THADA: variants seen among roughly 807,000 people sequenced by gnomAD.
The protein encoded by THADA is THADA armadillo repeat containing, also known as tRNA (32-2'-O)-methyltransferase regulator THADA.
Under a neutral mutation model 219.8 loss-of-function variants are expected in THADA, and 213 were observed. That is an observed-to-expected ratio of 0.97 (90% CI 0.87 to 1.09). The LOEUF (loss-of-function observed/expected upper bound fraction) is 1.09, where lower values mean the gene tolerates loss of function less well. Among genes scored for constraint, THADA ranks in the 50% least tolerant of loss-of-function variants. THADA has a pLI of 0.00. For missense variants in THADA, 2,956 were observed against 2,311.3 expected, an observed-to-expected ratio of 1.28 and a Z score of -5.72; for synonymous variants, 1,018 against 828.9, an observed-to-expected ratio of 1.23 and a Z score of -3.92.
At chr2:43,254,815 G>A (rs987463001) in intron 36 of THADA, among the ~76,000 whole-genome samples, 1 of 152,118 alleles carries the variant, frequency 6.6e-6, no homozygotes, top group Admixed American at 6.6e-5. Flanking sequence ...GCAGAGACCT[G>A]GGCCTCCAGC....
chr2:43,252,122 T>A (rs57323333), intron 36 of THADA, among the ~76,000 whole-genome samples: 152 of 152,298 alleles, frequency 1.0e-3, no homozygotes, highest in African/African-American at 3.5e-3. Context: ...AGACCTGGCC[T>A]TCTTCAATGA....
At chr2:43,237,636 T>G (rs2104034670) in intron 36 of THADA, among the ~76,000 whole-genome samples, 1 of 151,604 alleles carries the variant, frequency 6.6e-6, no homozygotes, top group East Asian at 2.0e-4. Context: ...CCTGACCTCG[T>G]GATCCACCCG....
intron 22 of THADA, among the ~76,000 whole-genome samples, chr2:43,518,757 A>G (rs1422887421): frequency 6.6e-6 from 1 of 152,006 alleles, no homozygotes; most frequent in South Asian, 2.1e-4. Context: ...AGCTTCATCT[A>G]TTTCCTCTGT....
intron 28 of THADA, among the ~76,000 whole-genome samples, chr2:43,412,695 A>G (rs954960608): frequency 3.3e-5 from 5 of 152,206 alleles, no homozygotes; most frequent in African/African-American, 1.2e-4. Flanking sequence ...TTTAAAAGAC[A>G]CACCTTCCAC....
intron 26 of THADA, among the ~76,000 whole-genome samples, chr2:43,449,035 G>A (rs181952587): frequency 6.6e-6 from 1 of 152,082 alleles, no homozygotes; most frequent in Non-Finnish European, 1.5e-5. Flanking sequence ...TTTAAAACAA[G>A]TATCTTGAAG....
Position 43,574,584 on chromosome 2 carries a change from G to T in THADA, c.1481C>A (p.Ala494Glu), listed in dbSNP as rs762033664. Residue 494 changes from alanine to glutamate, a missense_variant, in exon 11 of 38, where the codon GCA becomes GAA. Ala to Glu is a moderately radical substitution (Grantham distance 107). Transcript: ENST00000405975. ...AAACATGGTTTCCAAGAGGTCACTT[G>T]CATAAGGTACCAATGACTGGTCTCC... ...VMGDQSLVPY[A>E]SDLLETMFRN... 2 of 1,613,930 alleles carry T rather than the reference G, an allele frequency of 1.2e-6. No individual in the cohort carries two copies. Among genetic ancestry groups the T allele is most frequent in the Admixed American group, 3.3e-5 (2 of 60,022 alleles).
intron 26 of THADA, among the ~76,000 whole-genome samples, chr2:43,432,444 G>A (rs1679482563): frequency 6.6e-6 from 1 of 151,212 alleles, no homozygotes; most frequent in African/African-American, 2.4e-5. Context: ...CCTCTTGACA[G>A]GCATGGGTTC....
intron 29 of THADA, among the ~76,000 whole-genome samples, chr2:43,345,441 T>C (rs1667531668): frequency 6.6e-6 from 1 of 152,212 alleles, no homozygotes; most frequent in Non-Finnish European, 1.5e-5. Context: ...GAAGTAACTG[T>C]ACAGGAGAGT....
chr2:43,382,180 TG>T (rs1427728616), intron 29 of THADA, among the ~76,000 whole-genome samples: 1 of 152,172 alleles, frequency 6.6e-6, no homozygotes, highest in Non-Finnish European at 1.5e-5. Flanking sequence ...GATGGGATCC[TG>T]GAACAGAAAA....
chr2:43,308,320 G>A (rs1371380521), intron 31 of THADA, among the ~76,000 whole-genome samples: 1 of 152,114 alleles, frequency 6.6e-6, no homozygotes, highest in Non-Finnish European at 1.5e-5. Context: ...AGCGACATAT[G>A]GGACAACTTC....
intron 26 of THADA, among the ~76,000 whole-genome samples, chr2:43,434,095 T>TA (rs938593619): frequency 2.0e-5 from 3 of 151,842 alleles, no homozygotes; most frequent in South Asian, 4.2e-4. Flanking sequence ...CCCAGATAGC[T>TA]AAAAAAAACC....
At chr2:43,553,595 T>C (rs72867042) in intron 17 of THADA, among the ~76,000 whole-genome samples, 31 of 152,340 alleles carry the variant, frequency 2.0e-4, no homozygotes, top group African/African-American at 6.7e-4. Flanking sequence ...ACTTAGTCTA[T>C]GGCATTTTGT....
chr2:43,339,512 T>G (rs1342329011), intron 30 of THADA, among the ~76,000 whole-genome samples: 2 of 152,190 alleles, frequency 1.3e-5, no homozygotes, highest in Non-Finnish European at 2.9e-5. Context: ...ACTCCTGGCC[T>G]TATGTGATCC....
intron 28 of THADA, among the ~76,000 whole-genome samples, chr2:43,411,716 C>CAT (rs1676328111): frequency 6.6e-6 from 1 of 151,936 alleles, no homozygotes; most frequent in Non-Finnish European, 1.5e-5. Context: ...ATTACATACA[C>CAT]CTATACCCTG....
At chr2:43,396,988 G>A (rs1196571750) in intron 29 of THADA, among the ~76,000 whole-genome samples, 1 of 152,082 alleles carries the variant, frequency 6.6e-6, no homozygotes, top group Non-Finnish European at 1.5e-5. Context: ...ACTATTCTAA[G>A]CATGTTGTAT....
intron 36 of THADA, among the ~76,000 whole-genome samples, chr2:43,275,628 G>C (rs1163816402): frequency 2.6e-5 from 4 of 152,166 alleles, no homozygotes; most frequent in Non-Finnish European, 5.9e-5. Flanking sequence ...AGCCACACCA[G>C]ATAACTTGCA....
intron 22 of THADA, among the ~76,000 whole-genome samples, chr2:43,516,283 A>G (rs76237515): frequency 0.01 from 1,571 of 152,200 alleles, 31 homozygotes; most frequent in African/African-American, 0.036. Flanking sequence ...AAACACTCCA[A>G]TGGCTCCCCA....
intron 30 of THADA, chr2:43,343,693 A>AT (rs1490964871): frequency 6.5e-6 from 1 of 153,096 alleles, no homozygotes; most frequent in Non-Finnish European, 1.5e-5. Flanking sequence ...GGCAACTTCC[A>AT]TCCCCTCTTG....
At chr2:43,421,863 T>C (rs149587823) in intron 28 of THADA, among the ~76,000 whole-genome samples, 2,230 of 152,314 alleles carry the variant, frequency 0.015, 64 homozygotes, top group African/African-American at 0.051. Flanking sequence ...CTGTGACTTT[T>C]TGGGCCATGC....
Sources: allele counts gnomAD v4.1 joint callset (sites outside exome capture counted in the v4.1 genomes callset), GRCh38; gene constraint gnomAD v4.1.1; transcripts MANE v1.5; gene names NCBI Gene and HGNC (gene_info 2026-07-23, HGNC 2026-07-21).